Variants in SLC25A28 observed in about 807,000 individuals in gnomAD.
SLC25A28 encodes solute carrier family 25 member 28, also known as mitoferrin-2.
A neutral mutation model predicts 31.9 loss-of-function variants in SLC25A28; 10 were observed. The ratio of observed to expected loss-of-function variants is 0.31; its 90% CI spans 0.19 to 0.53. The LOEUF (loss-of-function observed/expected upper bound fraction) is 0.53, where lower values mean the gene tolerates loss of function less well. SLC25A28 is among the 20% of genes least tolerant of loss of function. The probability of loss-of-function intolerance (pLI) is 0.95; values close to 1 mark genes in which losing one functional copy is unlikely to be tolerated. For synonymous variants in SLC25A28, 208 were observed against 203.6 expected, an observed-to-expected ratio of 1.02 and a Z score of -0.19; for missense variants, 256 against 490.3, an observed-to-expected ratio of 0.52 and a Z score of 4.51.
the SLC25A28 span, among the ~76,000 whole-genome samples, chr10:99,631,412 C>T: frequency 0.84 from 127,791 of 152,058 alleles, 53,939 homozygotes; most frequent in Middle Eastern, 0.92. Context: ...CACTGGTCTC[C>T]TGACTTCGTC....
the SLC25A28 span, among the ~76,000 whole-genome samples, chr10:99,644,347 TGTTG>T: frequency 1.4e-4 from 22 of 152,344 alleles, no homozygotes; most frequent in Admixed American, 1.0e-3. Context: ...TTTTGATCTT[TGTTG>T]GTTTGAAGTC....
chr10:99,643,144 C>T, the SLC25A28 span, among the ~76,000 whole-genome samples: 1 of 152,150 alleles, frequency 6.6e-6, no homozygotes, highest in Non-Finnish European at 1.5e-5. Flanking sequence ...AGGAATGGTA[C>T]CAGCTCCTCT....
intron 1 of SLC25A28, chr10:99,615,429 G>A: frequency 1.0e-6 from 1 of 983,276 alleles, no homozygotes; most frequent in Non-Finnish European, 1.2e-6. Flanking sequence ...CTTTCCTCAA[G>A]AGCATGGGAG....
chr10:99,650,244 C>G, the SLC25A28 span, among the ~76,000 whole-genome samples: 1 of 152,076 alleles, frequency 6.6e-6, no homozygotes, highest in African/African-American at 2.4e-5. Context: ...GTGGTGCGAT[C>G]ACAGCTCACC....
the SLC25A28 span, among the ~76,000 whole-genome samples, chr10:99,648,570 T>C: frequency 6.6e-6 from 1 of 152,166 alleles, no homozygotes; most frequent in Admixed American, 6.5e-5. Context: ...TATTGATTCT[T>C]CCAATCCATA....
Position 99,620,439 on chromosome 10 carries a change from C to G in SLC25A28, c.-104G>C, listed in dbSNP as rs1007081212. 4.8e-6 allele frequency: 5 copies of G among 1,045,164 alleles called. No homozygotes were observed. The highest frequency in any genetic ancestry group is 5.8e-6 in the Non-Finnish European group (5 of 869,522). 64.7% of individuals were successfully genotyped at this position (1,045,164 alleles called of 1,614,324 possible). On this transcript the variant is annotated 5_prime_UTR_variant, in exon 1 of 4. Transcript: ENST00000370495. ...CGCCTCAGGCGCGGCCCAGAGAGCC[C>G]GGGGCCTCCGGCTCCCGCTTGGCCC...
chr10:99,612,465 CTGATGTGCTTTCT>C, intron 3 of SLC25A28, 65 bp downstream of exon 3: 1 of 1,532,902 alleles, frequency 6.5e-7, no homozygotes, highest in Non-Finnish European at 9.0e-7. Context: ...CCCACCAAAA[CTGATGTGCTTTCT>C]TCTGCAAACT....
upstream of SLC25A28, chr10:99,620,803 G>A: frequency 4.1e-6 from 4 of 985,494 alleles, no homozygotes; most frequent in Non-Finnish European, 4.8e-6. Context: ...TACAGAAAGA[G>A]CGACGCGCCC....
chr10:99,645,947 C>A, the SLC25A28 span, among the ~76,000 whole-genome samples: 2 of 152,176 alleles, frequency 1.3e-5, no homozygotes, highest in South Asian at 4.1e-4. Flanking sequence ...GGGCACCCAG[C>A]CATATGAGGT....
At chr10:99,615,892 G>C in intron 1 of SLC25A28, 2 of 985,414 alleles carry the variant, frequency 2.0e-6, no homozygotes, top group Non-Finnish European at 2.4e-6. Flanking sequence ...ATTCTGAACG[G>C]TTTGGCTTCG....
chr10:99,643,313 G>A, the SLC25A28 span, among the ~76,000 whole-genome samples: 2 of 152,262 alleles, frequency 1.3e-5, no homozygotes, highest in African/African-American at 2.4e-5. Flanking sequence ...ATGTGTCCAG[G>A]AATTTATCCA....
chr10:99,656,154 A>G, the SLC25A28 span, among the ~76,000 whole-genome samples: 1 of 152,212 alleles, frequency 6.6e-6, no homozygotes, highest in African/African-American at 2.4e-5. Context: ...GGCTAAAAAA[A>G]AATAAGGAAC....
chr10:99,639,920 G>A, the SLC25A28 span, among the ~76,000 whole-genome samples: 1 of 152,050 alleles, frequency 6.6e-6, no homozygotes, highest in African/African-American at 2.4e-5. Context: ...GTACCCAGCA[G>A]TATGTTAAGG....
the SLC25A28 span, among the ~76,000 whole-genome samples, chr10:99,658,486 A>G: frequency 6.6e-6 from 1 of 152,184 alleles, no homozygotes; most frequent in African/African-American, 2.4e-5. Context: ...TAGTAATTCA[A>G]CGTGCTAAGT....
At chr10:99,654,647 C>A in the SLC25A28 span, among the ~76,000 whole-genome samples, 1 of 110,950 alleles carries the variant, frequency 9.0e-6, no homozygotes, top group African/African-American at 3.4e-5. Context: ...CAGAGTGAGA[C>A]CCATCTCAAT....
intron 3 of SLC25A28, 92 bp downstream of exon 3, chr10:99,612,451 A>C (rs555253361): frequency 8.9e-6 from 13 of 1,454,408 alleles, no homozygotes; most frequent in South Asian, 2.4e-5. Context: ...AGGTAACAGA[A>C]TTTCCCACCA....
the SLC25A28 span, among the ~76,000 whole-genome samples, chr10:99,642,231 C>CTTTTATTTCATTGAGCAGTGGTTGT: frequency 6.6e-6 from 1 of 152,172 alleles, no homozygotes; most frequent in Non-Finnish European, 1.5e-5. Context: ...TTTGTGTCCT[C>CTTTTATTTCATTGAGCAGTGGTTGT]TTTTATTTCA....
the SLC25A28 span, among the ~76,000 whole-genome samples, chr10:99,638,732 T>C: frequency 6.6e-6 from 1 of 152,090 alleles, no homozygotes. Flanking sequence ...AAAACCACAA[T>C]GTGATACCAC....
chr10:99,621,017 C>G, upstream of SLC25A28: 1 of 978,340 alleles, frequency 1.0e-6, no homozygotes, highest in Non-Finnish European at 1.2e-6. Flanking sequence ...CCCGGAGAGC[C>G]GTGTTCCCGC....
Sources: allele counts gnomAD v4.1 joint callset (sites outside exome capture counted in the v4.1 genomes callset), GRCh38; gene constraint gnomAD v4.1.1; transcripts MANE v1.5; gene names NCBI Gene and HGNC (gene_info 2026-07-23, HGNC 2026-07-21).